The following KAZN variants were observed in gnomAD, a reference collection of about 807,000 sequenced individuals.
KAZN encodes kazrin, periplakin interacting protein, also known as kazrin.
KAZN carries 40 observed loss-of-function variants against 87.4 expected under a neutral mutation model. The ratio of observed to expected loss-of-function variants is 0.46; its 90% CI spans 0.36 to 0.60. The LOEUF is 0.60. Ranked by LOEUF, KAZN falls within the 20% of genes least tolerant of loss-of-function variation. The pLI is 0.00. For synonymous variants in KAZN, 466 were observed against 458.3 expected (o/e 1.02, Z -0.22); for missense variants, 898 against 1,073.9 (o/e 0.84, Z 2.29).
At chr1:14,569,555 C>A (rs1674737709) in intron 2 of KAZN, among the ~76,000 whole-genome samples, 1 of 151,792 alleles carries the variant, frequency 6.6e-6, no homozygotes, top group Admixed American at 6.6e-5. Flanking sequence ...ATCTCCTGAC[C>A]TCAAGATCTG....
chr1:14,974,412 A>G (rs1057403488), intron 2 of KAZN, among the ~76,000 whole-genome samples: 3 of 152,250 alleles, frequency 2.0e-5, no homozygotes, highest in Admixed American at 2.0e-4. Flanking sequence ...GATTGTAGGT[A>G]CTATATGGAA....
At chr1:14,780,308 C>G (rs988307189) in intron 1 of KAZN, among the ~76,000 whole-genome samples, 5 of 152,222 alleles carry the variant, frequency 3.3e-5, no homozygotes, top group Admixed American at 3.3e-4. Context: ...CCTCCCCTCT[C>G]TCTTGCTTTA....
intron 2 of KAZN, among the ~76,000 whole-genome samples, chr1:14,394,677 T>C (rs1571509526): frequency 2.0e-5 from 3 of 152,128 alleles, no homozygotes; most frequent in Admixed American, 6.5e-5. Flanking sequence ...GATATTGTCA[T>C]TCTTTCCCTC....
intron 2 of KAZN, among the ~76,000 whole-genome samples, chr1:15,031,349 G>A (rs1034304115): frequency 3.3e-5 from 5 of 152,230 alleles, no homozygotes; most frequent in Non-Finnish European, 7.3e-5. Context: ...AGGAGGCTGT[G>A]GAGAGGGGTT....
At chr1:14,288,307 C>T (rs1469468029) in intron 2 of KAZN, among the ~76,000 whole-genome samples, 1 of 152,106 alleles carries the variant, frequency 6.6e-6, no homozygotes, top group Non-Finnish European at 1.5e-5. Flanking sequence ...TCCATCTGGT[C>T]CTGGACTTTT....
intron 2 of KAZN, among the ~76,000 whole-genome samples, chr1:14,471,670 A>G (rs74059532): frequency 1.3e-5 from 2 of 152,326 alleles, no homozygotes; most frequent in Non-Finnish European, 2.9e-5. Context: ...TTTCAGGCTC[A>G]TTTATACTCA....
intron 1 of KAZN, among the ~76,000 whole-genome samples, chr1:14,166,902 G>A (rs970858123): frequency 5.9e-5 from 9 of 152,210 alleles, no homozygotes; most frequent in African/African-American, 2.2e-4. Flanking sequence ...TACAATGAGT[G>A]AGGTTTTAGC....
At position 15,115,843 on chromosome 1, in the gene KAZN, T is replaced by C. The variant is rs1297477040; in HGVS notation, c.*1208T>C. The C allele has an allele frequency of 6.6e-6, 1 of 152,230 alleles. No individual in the cohort carries two copies. Among genetic ancestry groups the C allele is most frequent in the Non-Finnish European group, 1.5e-5 (1 of 68,030 alleles). The allele number at this position is 152,230 out of a possible 1,614,324, so 9.4% of individuals were successfully genotyped here. On this transcript the variant is annotated 3_prime_UTR_variant, in exon 15 of 15. Coordinates refer to ENST00000376030, the MANE Select transcript of KAZN (RefSeq NM_201628.3). This position sits in a 1 kb window ranked among gnomAD's most constrained non-coding sequence, Gnocchi z 4.1. The stretch of plus-strand genomic sequence containing the variant: ...ACTTGCTAATATCTGTAACACAATT[T>C]GTAACCTCTCAGGAGACAATGGGAA...
intron 1 of KAZN, among the ~76,000 whole-genome samples, chr1:14,702,366 G>GTGTGTGTGTGTGTGTGTGT (rs1641976173): frequency 6.7e-6 from 1 of 150,048 alleles, no homozygotes; most frequent in Non-Finnish European, 1.5e-5. Flanking sequence ...GTGTGTGTGT[G>GTGTGTGTGTGTGTGTGTGT]GATTTCTCTG....
At chr1:14,836,698 A>C (rs1170301990) in intron 1 of KAZN, among the ~76,000 whole-genome samples, 2 of 152,048 alleles carry the variant, frequency 1.3e-5, no homozygotes, top group African/African-American at 4.8e-5. Flanking sequence ...CACCCAAGCC[A>C]AGTCCTGCAC....
chr1:14,307,120 G>GT lies in KAZN; in HGVS notation c.249+126529dup, dbSNP rs911071187. Reference sequence around the variant, plus strand: ...TTTCATAAAGTGATGTTGACCCTTCGTGGTCCCACAAGTTCATATGCCACT... The same window carrying GT: ...TTTCATAAAGTGATGTTGACCCTTCGTTGGTCCCACAAGTTCATATGCCACT... On this transcript the variant is annotated intron_variant, in intron 2 of 16. Transcript: ENST00000636203. Among the ~76,000 whole-genome samples, 39 of 152,134 alleles carry GT rather than the reference G, an allele frequency of 2.6e-4. 1 individual carries two copies. Among genetic ancestry groups the GT allele is most frequent in the Middle Eastern group, 3.4e-3 (1 of 294 alleles).
chr1:14,488,451 T>C (rs1669468403), intron 2 of KAZN, among the ~76,000 whole-genome samples: 1 of 152,228 alleles, frequency 6.6e-6, no homozygotes, highest in Non-Finnish European at 1.5e-5. Context: ...ACTGAAATCC[T>C]GGTTCTACCA....
chr1:14,136,828 A>G (rs145220978), intron 1 of KAZN, among the ~76,000 whole-genome samples: 5 of 152,296 alleles, frequency 3.3e-5, no homozygotes, highest in African/African-American at 1.2e-4. Flanking sequence ...AAGCCTTAGT[A>G]ATGACTGCAG....
intron 1 of KAZN, among the ~76,000 whole-genome samples, chr1:14,905,708 G>A (rs1316900761): frequency 6.6e-6 from 1 of 151,420 alleles, no homozygotes; most frequent in African/African-American, 2.4e-5. Flanking sequence ...GCTGGGCATG[G>A]TGGCACGTGC....
At chr1:14,249,751 G>A (rs1479693064) in intron 2 of KAZN, among the ~76,000 whole-genome samples, 2 of 152,154 alleles carry the variant, frequency 1.3e-5, no homozygotes, top group African/African-American at 2.4e-5. Flanking sequence ...TCCCTGATTG[G>A]CCAGGTGGGG....
rs112126509 is a variant in KAZN at position 14,432,817 on chromosome 1, T to C, written c.250-166166T>C. On this transcript the variant is annotated intron_variant, in intron 2 of 16. Coordinates refer to the KAZN transcript ENST00000636203. ...CAGTTCCCACTTGTAAGTGAGAACA[T>C]GCGGTGTTTGGTTTTCTGTTCCTGT... Among the ~76,000 whole-genome samples the C allele has an allele frequency of 5.7e-3, 873 of 152,244 alleles. 5 individuals are homozygous for C. Among genetic ancestry groups the C allele is most frequent in the African/African-American group, 0.02 (843 of 41,544 alleles).
At chr1:14,017,567 C>T (rs762977456) in intron 1 of KAZN, among the ~76,000 whole-genome samples, 2 of 152,192 alleles carry the variant, frequency 1.3e-5, no homozygotes, top group African/African-American at 2.4e-5. Flanking sequence ...GAGGTGAACT[C>T]AGAGTTAAAC....
At chr1:14,472,316 A>G (rs558721470) in intron 2 of KAZN, among the ~76,000 whole-genome samples, 18 of 152,352 alleles carry the variant, frequency 1.2e-4, no homozygotes, top group African/African-American at 3.8e-4. Context: ...CCCAAAACTC[A>G]GTGCTTCAAA....
At chr1:14,285,372 A>G (rs557563828) in intron 2 of KAZN, among the ~76,000 whole-genome samples, 1 of 152,266 alleles carries the variant, frequency 6.6e-6, no homozygotes, top group South Asian at 2.1e-4. Flanking sequence ...TTGGCAGTCT[A>G]TTGGTTCCTC....
Sources: allele counts gnomAD v4.1 joint callset (sites outside exome capture counted in the v4.1 genomes callset), GRCh38; gene constraint gnomAD v4.1.1; non-coding constraint Gnocchi (gnomAD v3.1); transcripts MANE v1.5; gene names NCBI Gene and HGNC (gene_info 2026-07-23, HGNC 2026-07-21).